Variants in NLRC3 observed in about 807,000 individuals in gnomAD.
The protein encoded by NLRC3 is NLR family CARD domain containing 3, also known as NLR family CARD domain-containing protein 3.
In NLRC3, 87 loss-of-function variants were observed where a neutral mutation model predicts 91.6. The ratio of observed to expected loss-of-function variants is 0.95; its 90% CI spans 0.80 to 1.14. NLRC3 has a LOEUF of 1.14. NLRC3 is among the 50% of genes most tolerant of loss of function. The pLI, the probability that NLRC3 is intolerant of heterozygous loss-of-function variation, is 0.00. For missense variants in NLRC3, 1,577 were observed against 1,418.6 expected (o/e 1.11, Z -1.79); for synonymous variants, 694 against 625.3 (o/e 1.11, Z -1.64).
Position 3,541,725 on chromosome 16 carries a change from C to T in NLRC3, c.*100G>A. On this transcript the variant is annotated 3_prime_UTR_variant, in exon 20 of 20. Transcript: ENST00000359128. ...GAGCCCGGCTCTCGTGCTGAGCAAG[C>T]AGCGTTCCCAGCTCCCAGACAGGCC... 3.9e-6 allele frequency: 3 copies of T among 772,290 alleles called. No homozygotes were observed. Among genetic ancestry groups the T allele is most frequent in the East Asian group, 2.7e-5 (1 of 37,504 alleles). 47.8% of individuals were successfully genotyped at this position (772,290 alleles called of 1,614,324 possible). A position where few individuals can be genotyped will look rare whatever the true frequency, so the allele number is the denominator to read the frequency against.
Position 3,563,758 on chromosome 16 carries a change from G to A in NLRC3, c.1179C>T (p.Gly393=). 6.2e-7 allele frequency: 1 copy of A among 1,613,272 alleles called. No individual in the cohort carries two copies. The highest frequency in any genetic ancestry group is 8.5e-7 in the Non-Finnish European group (1 of 1,179,712). The change falls in exon 5 of 20, where the codon GGC becomes GGT. Residue 393 remains glycine, a synonymous_variant. Transcript: ENST00000359128. ...SPRIEQVAHG[G]RKMVGTLGRL... ...GGCCCAATGTCCCCACCATCTTGCG[G>A]CCACCATGGGCCACCTGCTCGATGC...
In NLRC3 at chr16:3,557,589, T is replaced by C. The variant is rs1300314234; in HGVS notation, c.2099+4A>G. 12 of 1,605,790 alleles carry C rather than the reference T, an allele frequency of 7.5e-6. No homozygotes were observed. Among genetic ancestry groups the C allele is most frequent in the Admixed American group, 1.7e-5 (1 of 59,858 alleles). ...AAAGTTCGGCCTTGGTTGTCCTTAC[T>C]TACTCCAGAGAGGTCAGACTTCTGT... On this transcript the variant is annotated splice_donor_region_variant and intron_variant, in intron 7 of 19. Transcript: ENST00000359128.
Position 3,548,672 on chromosome 16 carries a change from A to C in NLRC3, c.2685T>G (p.Leu895=). ...AVRENRTLTS[L]HLQWNFIQAG... Reference sequence around the variant, plus strand: ...AGGGTGGAGAGCTGCAGACTCACTGAAGGGAGGTGAGGGTGCGGTTTTCTC... The same window carrying C: ...AGGGTGGAGAGCTGCAGACTCACTGCAGGGAGGTGAGGGTGCGGTTTTCTC... Residue 895 remains leucine, a splice_region_variant and synonymous_variant, in exon 14 of 20, where the codon CTT becomes CTG. Transcript: ENST00000359128. 1 of 1,579,846 alleles carries C rather than the reference A, an allele frequency of 6.3e-7. No homozygotes were observed. Among genetic ancestry groups the C allele is most frequent in the Non-Finnish European group, 8.6e-7 (1 of 1,161,312 alleles).
At chr16:3,565,627 G>A (rs918418642) in intron 2 of NLRC3, among the ~76,000 whole-genome samples, 2 of 152,048 alleles carry the variant, frequency 1.3e-5, no homozygotes, top group South Asian at 4.1e-4. Flanking sequence ...GGGAGGAGGG[G>A]TGAATCGGTG....
chr16:3,565,210 G>T, intron 3 of NLRC3, 109 bp downstream of exon 3: 1 of 698,212 alleles, frequency 1.4e-6, no homozygotes. Flanking sequence ...CTCTGAGAAT[G>T]GACTGGAAGG....
At chr16:3,547,849 AG>A (rs2038779434) in intron 15 of NLRC3, among the ~76,000 whole-genome samples, 1 of 152,066 alleles carries the variant, frequency 6.6e-6, no homozygotes, top group Non-Finnish European at 1.5e-5. Flanking sequence ...TTGTATTTAT[AG>A]TAGAGATGGG....
rs906689206 is a variant in NLRC3 at position 3,554,692 on chromosome 16, G to T, written c.2184-367C>A. On this transcript the variant is annotated intron_variant, in intron 8 of 19. Coordinates refer to ENST00000359128, the MANE Select transcript of NLRC3 (RefSeq NM_178844.4). ...GGGAATGCAAAATGGTCCGCTGTCT[G>T]TGGAATATGGTCTGGCAGGTCCTTA... 3.9e-5 allele frequency among the ~76,000 whole-genome samples: 6 copies of T among 152,200 alleles called. No homozygotes were observed. In the East Asian group the frequency reaches 1.2e-3, roughly 29 times the overall value.
intron 5 of NLRC3, among the ~76,000 whole-genome samples, chr16:3,562,536 GA>G (rs1300421599): frequency 6.6e-6 from 1 of 152,196 alleles, no homozygotes; most frequent in Non-Finnish European, 1.5e-5. Flanking sequence ...AGCTACTAGG[GA>G]GGCTGAGGCA....
At chr16:3,541,958 C>G (rs1329858712) in intron 19 of NLRC3, 43 bp from the exon 20 acceptor site, 14 of 1,194,236 alleles carry the variant, frequency 1.2e-5, no homozygotes, top group Non-Finnish European at 1.7e-5. Flanking sequence ...CCTGCAGGTT[C>G]TCTTTAGTAG....
At chr16:3,547,885 T>G (rs2038780719) in intron 15 of NLRC3, among the ~76,000 whole-genome samples, 1 of 152,156 alleles carries the variant, frequency 6.6e-6, no homozygotes, top group Non-Finnish European at 1.5e-5. Context: ...GCCAGGCTCA[T>G]CTTGAACTCC....
rs527762717 is a variant in NLRC3 at position 3,564,529 on chromosome 16, G to A, written c.408C>T (p.Val136=). 31 of 1,612,064 alleles carry A rather than the reference G, an allele frequency of 1.9e-5. No individual in the cohort carries two copies. Among genetic ancestry groups the A allele is most frequent in the Non-Finnish European group, 2.5e-5 (30 of 1,179,634 alleles). The change falls in exon 5 of 20, where the codon GTC becomes GTT. Residue 136 remains valine (V), a synonymous_variant. Transcript: ENST00000359128. The surrounding 1 kb of genome is among the most constrained non-coding windows in gnomAD (Gnocchi z 5.9). ...CGATAGTGATGGAGACCCGGGGTGG[G>A]ACAGACACCCGGGAGAGAGGCAGGA... ...RLFLPLSRVS[V]PPRVSITIGV... is the part of the protein sequence containing the mutation.
intron 8 of NLRC3, chr16:3,555,967 TA>T (rs1440382048): frequency 6.8e-6 from 1 of 146,018 alleles, no homozygotes; most frequent in African/African-American, 2.5e-5. Flanking sequence ...AATAAATAAA[TA>T]AATGAAAACA....
rs1372822960 is a variant in NLRC3 at position 3,564,494 on chromosome 16, C to T, written c.443G>A (p.Gly148Asp). The T allele has an allele frequency of 6.2e-7, 1 of 1,612,460 alleles. No individual in the cohort carries two copies. The highest frequency in any genetic ancestry group is 8.5e-7 in the Non-Finnish European group (1 of 1,179,832). ...PRVSITIGVA[G>D]MGKTTLVRHF... ...CCTCACCAGGGTGGTCTTGCCCATG[C>T]CGGCCACCCCGATAGTGATGGAGAC... The change falls in exon 5 of 20, where the codon GGC becomes GAC. Residue 148 changes from glycine to aspartate, a missense_variant. Coordinates refer to ENST00000359128, the MANE Select transcript of NLRC3 (RefSeq NM_178844.4). The surrounding 1 kb of genome is among the most constrained non-coding windows in gnomAD (Gnocchi z 5.9).
At chr16:3,546,571 A>T (rs575834104) in intron 15 of NLRC3, among the ~76,000 whole-genome samples, 24 of 152,224 alleles carry the variant, frequency 1.6e-4, no homozygotes, top group Admixed American at 1.4e-3. Flanking sequence ...ATAAAATAAA[A>T]GTTATAGAAA....
chr16:3,544,443 C>A, intron 15 of NLRC3, 114 bp from the exon 16 acceptor site: 1 of 707,174 alleles, frequency 1.4e-6, no homozygotes, highest in South Asian at 1.6e-5. Context: ...ATAGACACTC[C>A]CAGGGTTTCC....
intron 19 of NLRC3, 70 bp downstream of exon 19, chr16:3,542,121 A>G: frequency 8.7e-7 from 1 of 1,153,380 alleles, no homozygotes; most frequent in East Asian, 2.6e-5. Flanking sequence ...TGGCTCTCAG[A>G]ACTGGGCAAA....
At chr16:3,562,456 C>T (rs2039654062) in intron 5 of NLRC3, among the ~76,000 whole-genome samples, 1 of 152,096 alleles carries the variant, frequency 6.6e-6, no homozygotes, top group Non-Finnish European at 1.5e-5. Context: ...GCCTGGCCAA[C>T]ATGGTGAAAC....
Position 3,561,718 on chromosome 16 carries a change from G to A in NLRC3, c.1999C>T (p.Arg667Cys), listed in dbSNP as rs545030726. 10 of 1,612,696 alleles carry A rather than the reference G, an allele frequency of 6.2e-6. No homozygotes were observed. Among genetic ancestry groups the A allele is most frequent in the Non-Finnish European group, 7.6e-6 (9 of 1,179,078 alleles). ...LGSVLSGKDC[R>C]IQKISLAENQ... The stretch of plus-strand genomic sequence containing the variant: ...CTGTGTTACCTGATCTTCTGAATGC[G>A]ACAGTCCTTCCCACTCAGCACGCTG... Residue 667 changes from arginine to cysteine, a missense_variant, in exon 6 of 20, where the codon CGC becomes TGC. Physicochemically the swap from Arg to Cys is radical, Grantham distance 180 (BLOSUM62 -3). Transcript: ENST00000359128.
intron 17 of NLRC3, chr16:3,543,105 G>A (rs944399619): frequency 8.2e-6 from 4 of 486,562 alleles, no homozygotes; most frequent in African/African-American, 5.8e-5. Flanking sequence ...GAATTCTGAG[G>A]ACATGCCTGA....
Sources: allele counts gnomAD v4.1 joint callset (sites outside exome capture counted in the v4.1 genomes callset), GRCh38; gene constraint gnomAD v4.1.1; non-coding constraint Gnocchi (gnomAD v3.1); transcripts MANE v1.5; gene names NCBI Gene and HGNC (gene_info 2026-07-23, HGNC 2026-07-21).